GSG1L: variants seen among roughly 807,000 people sequenced by gnomAD.
GSG1L encodes germ cell-specific gene 1-like protein.
Under a neutral mutation model 42.1 loss-of-function variants are expected in GSG1L, and 24 were observed. That is an observed-to-expected ratio of 0.57 (90% CI 0.41 to 0.80). The LOEUF (loss-of-function observed/expected upper bound fraction) is 0.80, where lower values mean the gene tolerates loss of function less well. Among genes scored for constraint, GSG1L ranks in the 30% least tolerant of loss-of-function variants. The pLI is 0.00. For missense variants in GSG1L, 445 were observed against 472.2 expected (o/e 0.94, Z 0.53); for synonymous variants, 215 against 203.5 (o/e 1.06, Z -0.48).
In GSG1L at chr16:27,790,749, C is replaced by G. The variant is rs2082741720; in HGVS notation, c.*621G>C. ...CTGTGTCCAGCCTGGGCTCTGTGCT[C>G]CCTCCCTGCCACCCTGCAGTGTCTG... On this transcript the variant is annotated 3_prime_UTR_variant, in exon 7 of 7. Transcript: ENST00000447459. The G allele has an allele frequency of 1.3e-5, 2 of 152,798 alleles. No individual in the cohort carries two copies. The highest frequency in any genetic ancestry group is 4.8e-5 in the African/African-American group (2 of 41,478). The allele number at this position is 152,798 out of a possible 1,614,324, so 9.5% of individuals were successfully genotyped here.
intron 2 of GSG1L, among the ~76,000 whole-genome samples, chr16:27,888,443 TC>T (rs2084061604): frequency 4.5e-5 from 1 of 22,414 alleles, no homozygotes; most frequent in Admixed American, 7.8e-4. Flanking sequence ...TTTCTTTCTT[TC>T]TTTCTTTCTT....
rs1246092559 is a variant in GSG1L at position 28,009,126 on chromosome 16, A to G, written c.350-45923T>C. Among the ~76,000 whole-genome samples, 3 of 151,996 alleles carry G rather than the reference A, an allele frequency of 2.0e-5. No individual in the cohort carries two copies. The East Asian group carries it at 5.8e-4, about 29-fold the overall frequency. On this transcript the variant is annotated intron_variant, in intron 1 of 6. Transcript: ENST00000447459. The stretch of plus-strand genomic sequence containing the variant: ...GCTTGGCCACATCAGTACTGTTTTA[A>G]CTGCCCAGTTCTGAGCGCAGGTGCC...
chr16:27,965,578 G>A (rs2085122579), intron 1 of GSG1L, among the ~76,000 whole-genome samples: 1 of 152,186 alleles, frequency 6.6e-6, no homozygotes, highest in African/African-American at 2.4e-5. Context: ...CAAGCTCTGT[G>A]AGGACAGGGA....
intron 3 of GSG1L, among the ~76,000 whole-genome samples, chr16:27,857,439 AAAAG>A (rs1567489895): frequency 1.3e-5 from 2 of 151,002 alleles, no homozygotes; most frequent in African/African-American, 2.4e-5. Flanking sequence ...AAAAAAAAAA[AAAAG>A]AAAGAAAGGC....
intron 3 of GSG1L, among the ~76,000 whole-genome samples, chr16:27,874,159 G>A (rs1262757740): frequency 6.6e-6 from 1 of 152,142 alleles, no homozygotes; most frequent in African/African-American, 2.4e-5. Flanking sequence ...ATCCTTTGAA[G>A]TTTGTAATAG....
chr16:28,015,204 AT>A (rs2085766789), intron 1 of GSG1L, among the ~76,000 whole-genome samples: 1 of 152,212 alleles, frequency 6.6e-6, no homozygotes, highest in Non-Finnish European at 1.5e-5. Flanking sequence ...GGGCAACACC[AT>A]ATCTAATGTG....
intron 2 of GSG1L, among the ~76,000 whole-genome samples, chr16:27,939,081 CTA>C (rs1468717147): frequency 6.6e-6 from 1 of 152,084 alleles, no homozygotes; most frequent in Non-Finnish European, 1.5e-5. Flanking sequence ...AAGAAAGAAA[CTA>C]GAGTTTGTGA....
At chr16:28,030,056 A>G (rs1392754269) in intron 1 of GSG1L, among the ~76,000 whole-genome samples, 1 of 152,244 alleles carries the variant, frequency 6.6e-6, no homozygotes, top group Non-Finnish European at 1.5e-5. Flanking sequence ...GGGCCTCTTC[A>G]GAAGGGAACT....
chr16:27,988,510 AAGAAAAAAGT>A (rs1322567111), intron 1 of GSG1L, among the ~76,000 whole-genome samples: 1 of 152,154 alleles, frequency 6.6e-6, no homozygotes, highest in African/African-American at 2.4e-5. Flanking sequence ...AAGTTGAGGT[AAGAAAAAAGT>A]AGAAAAAAGT....
At chr16:27,997,696 AT>A (rs984188297) in intron 1 of GSG1L, among the ~76,000 whole-genome samples, 1 of 151,580 alleles carries the variant, frequency 6.6e-6, no homozygotes, top group African/African-American at 2.4e-5. Context: ...TATTATTTAT[AT>A]TTTTTTATTT....
rs547317377 is a variant in GSG1L at position 27,910,797 on chromosome 16, T to C, written c.398-26159A>G. Among the ~76,000 whole-genome samples the C allele has an allele frequency of 1.1e-3, 161 of 152,300 alleles. 1 individual carries two copies. The highest frequency in any genetic ancestry group is 3.7e-3 in the African/African-American group (154 of 41,560). ...GGGAGGCCAAGGCAGCAGGATTGCT[T>C]GAGCCCAGGAGTCCAAGACCAGCCT... On this transcript the variant is annotated intron_variant, in intron 2 of 6. Transcript: ENST00000447459.
At chr16:27,865,556 TATATATATATATATATAC>T (rs1179215388) in intron 3 of GSG1L, among the ~76,000 whole-genome samples, 544 of 23,254 alleles carry the variant, frequency 0.023, 36 homozygotes, top group Admixed American at 0.045. Context: ...TATATATATA[TATATATATATATATATAC>T]ACACACACAT....
At chr16:27,965,317 A>C (rs899663479) in intron 1 of GSG1L, among the ~76,000 whole-genome samples, 1 of 152,108 alleles carries the variant, frequency 6.6e-6, no homozygotes, top group African/African-American at 2.4e-5. Flanking sequence ...ACCCAGCCAA[A>C]AATTTTTAAT....
chr16:28,029,530 G>T (rs376471533), intron 1 of GSG1L, among the ~76,000 whole-genome samples: 1 of 149,358 alleles, frequency 6.7e-6, no homozygotes, highest in South Asian at 2.2e-4. Context: ...GGTGCATGAA[G>T]GGATGGATGG....
intron 2 of GSG1L, among the ~76,000 whole-genome samples, chr16:27,948,137 A>G (rs1317600961): frequency 1.3e-5 from 2 of 152,164 alleles, no homozygotes; most frequent in Non-Finnish European, 2.9e-5. Flanking sequence ...ACCTGGGGAC[A>G]GGAAGTAAAA....
At chr16:27,797,306 TGAG>T in intron 6 of GSG1L, among the ~76,000 whole-genome samples, 1 of 150,824 alleles carries the variant, frequency 6.6e-6, no homozygotes, top group Middle Eastern at 3.5e-3. Flanking sequence ...GTGGATTACT[TGAG>T]GTCAGGAGTT....
chr16:27,940,729 G>A (rs2084782758), intron 2 of GSG1L, among the ~76,000 whole-genome samples: 1 of 139,058 alleles, frequency 7.2e-6, no homozygotes, highest in Admixed American at 7.4e-5. Flanking sequence ...GGGAGGGATA[G>A]CATTAGGAGA....
In GSG1L at chr16:27,995,180, T is replaced by C. The variant is rs116205568; in HGVS notation, c.350-31977A>G. ...TCTCCTCAGGGGAGACTCACGAACA[T>C]AATCCCAGCAAGGCTGCAAAAAGAT... On this transcript the variant is annotated intron_variant, in intron 1 of 6. Transcript: ENST00000447459. Among the ~76,000 whole-genome samples, 424 of 152,246 alleles carry C rather than the reference T, an allele frequency of 2.8e-3. 3 individuals are homozygous for C. The highest frequency in any genetic ancestry group is 0.01 in the African/African-American group (416 of 41,548).
At chr16:27,934,695 C>A (rs1008258276) in intron 2 of GSG1L, among the ~76,000 whole-genome samples, 1 of 152,176 alleles carries the variant, frequency 6.6e-6, no homozygotes. Context: ...GCCCTGGGTT[C>A]AAATTCTGGC....
Sources: allele counts gnomAD v4.1 joint callset (sites outside exome capture counted in the v4.1 genomes callset), GRCh38; gene constraint gnomAD v4.1.1; transcripts MANE v1.5; gene names NCBI Gene and HGNC (gene_info 2026-07-23, HGNC 2026-07-21).